The following TUSC3 variants were observed in gnomAD, a reference collection of about 807,000 sequenced individuals.
TUSC3 encodes dolichyl-diphosphooligosaccharide--protein glycosyltransferase subunit TUSC3.
Under a neutral mutation model 44.8 loss-of-function variants are expected in TUSC3, and 45 were observed. The observed-to-expected ratio is 1.00, with a 90% confidence interval of 0.79 to 1.29. The LOEUF is 1.29. TUSC3 is among the 50% of genes most tolerant of loss of function. The pLI is 0.00. For missense variants in TUSC3, 519 were observed against 437.9 expected (o/e 1.19, Z -1.65); for synonymous variants, 212 against 152.9 (o/e 1.39, Z -2.85).
At chr8:15,535,438 G>A (rs965924996), upstream of TUSC3, among the ~76,000 whole-genome samples, 3 of 152,188 alleles carry the variant, frequency 2.0e-5, no homozygotes, top group East Asian at 5.8e-4. Context: ...CATTCAACAA[G>A]TGCTGTATTC....
chr8:15,731,530 G>A (rs1419895385), intron 7 of TUSC3, among the ~76,000 whole-genome samples: 1 of 151,994 alleles, frequency 6.6e-6, no homozygotes, highest in Non-Finnish European at 1.5e-5. Context: ...AATTCATCTA[G>A]GCCAAACCTC....
At chr8:15,561,884 A>G (rs1262581848) in intron 1 of TUSC3, among the ~76,000 whole-genome samples, 1 of 151,710 alleles carries the variant, frequency 6.6e-6, no homozygotes, top group Non-Finnish European at 1.5e-5. Flanking sequence ...GTGCGCACCC[A>G]CTCTCCTGCA....
chr8:15,590,352 C>T (rs575190040), intron 1 of TUSC3, among the ~76,000 whole-genome samples: 1 of 152,196 alleles, frequency 6.6e-6, no homozygotes, highest in Admixed American at 6.5e-5. Flanking sequence ...ACCCAGGCTT[C>T]TTCTTATACA....
the TUSC3 span, among the ~76,000 whole-genome samples, chr8:15,802,413 A>G: frequency 1.3e-5 from 2 of 152,144 alleles, no homozygotes; most frequent in Non-Finnish European, 2.9e-5. Context: ...AGAAATATAA[A>G]TAATTGCAAA....
At chr8:15,842,645 A>G in the TUSC3 span, among the ~76,000 whole-genome samples, 139 of 152,320 alleles carry the variant, frequency 9.1e-4, no homozygotes, top group African/African-American at 3.2e-3. Flanking sequence ...TACGAACCTC[A>G]GAGCTTATGT....
At chr8:15,506,802 G>A (rs1801057852) in intron 2 of TUSC3, among the ~76,000 whole-genome samples, 2 of 152,106 alleles carry the variant, frequency 1.3e-5, no homozygotes, top group African/African-American at 4.8e-5. Flanking sequence ...GATTTCGGTG[G>A]GTCAAACCAA....
rs945699066 is a variant in TUSC3 at position 15,689,302 on chromosome 8, T to G, written c.798+15466T>G. 4 of 316,920 alleles carry G rather than the reference T, an allele frequency of 1.3e-5. No homozygotes were observed. The Admixed American group carries it at 1.4e-4, about 11-fold the overall frequency. 19.6% of individuals were successfully genotyped at this position (316,920 alleles called of 1,614,324 possible). A position where few individuals can be genotyped will look rare whatever the true frequency, so the allele number is the denominator to read the frequency against. ...CATAATTGTCTCTTGGACCATTACT[T>G]TCCTGGTAGTAGTCACCATCATCAC... On this transcript the variant is annotated intron_variant, in intron 6 of 10. Coordinates refer to ENST00000503731, the MANE Select transcript of TUSC3 (RefSeq NM_006765.4).
At position 15,765,870 on chromosome 8, in the gene TUSC3, G is replaced by A. The variant is rs186898524; in HGVS notation, c.*1714G>A. On this transcript the variant is annotated 3_prime_UTR_variant, in exon 11 of 11. Coordinates refer to ENST00000503731, the MANE Select transcript of TUSC3 (RefSeq NM_006765.4). The stretch of plus-strand genomic sequence containing the variant: ...AAAACTTCATACATAGAGACTCTCA[G>A]GTCAAATTTTACAAGTATTAAACAT... The A allele has an allele frequency of 3.3e-5, 5 of 151,854 alleles. No homozygotes were observed. Among genetic ancestry groups the A allele is most frequent in the Non-Finnish European group, 5.9e-5 (4 of 67,910 alleles). The allele number at this position is 151,854 out of a possible 1,614,324, so 9.4% of individuals were successfully genotyped here.
At chr8:15,504,592 T>G (rs1801020022) in intron 2 of TUSC3, among the ~76,000 whole-genome samples, 2 of 17,120 alleles carry the variant, frequency 1.2e-4, no homozygotes, top group African/African-American at 4.5e-4. Context: ...TATATATATA[T>G]ATATATATAT....
intron 1 of TUSC3, among the ~76,000 whole-genome samples, chr8:15,446,011 G>A (rs944585112): frequency 6.6e-6 from 1 of 151,234 alleles, no homozygotes; most frequent in African/African-American, 2.4e-5. Context: ...CTTCCCAGAC[G>A]GGCCGGCTGC....
At chr8:15,482,925 G>C (rs528071652) in intron 1 of TUSC3, among the ~76,000 whole-genome samples, 1 of 151,990 alleles carries the variant, frequency 6.6e-6, no homozygotes, top group South Asian at 2.1e-4. Context: ...TACTTTAAGC[G>C]GTGTGTTTTA....
At chr8:15,799,854 T>A in the TUSC3 span, among the ~76,000 whole-genome samples, 1 of 152,140 alleles carries the variant, frequency 6.6e-6, no homozygotes, top group Admixed American at 6.5e-5. Flanking sequence ...AGGTCATAGA[T>A]GAAAGACAAT....
At position 15,764,249 on chromosome 8, in the gene TUSC3, T is replaced by C. The variant is rs1188732358; in HGVS notation, c.*93T>C. ...AGTGGGATTTGCATAAAGTGAATGT[T>C]TACCATGAAGATAAACTGTTCCTGA... On this transcript the variant is annotated 3_prime_UTR_variant, in exon 11 of 11. Coordinates refer to ENST00000503731, the MANE Select transcript of TUSC3 (RefSeq NM_006765.4). The C allele has an allele frequency of 9.4e-6, 15 of 1,602,784 alleles. No individual in the cohort carries two copies. Among genetic ancestry groups the C allele is most frequent in the Non-Finnish European group, 1.3e-5 (15 of 1,171,448 alleles).
intron 2 of TUSC3, among the ~76,000 whole-genome samples, chr8:15,522,584 CCCACATGTGTTCCACTGA>C (rs936116868): frequency 6.6e-6 from 1 of 151,448 alleles, no homozygotes; most frequent in African/African-American, 2.4e-5. Context: ...ACGATCCACT[CCCACATGTGTTCCACTGA>C]CCAGATTGAG....
At chr8:15,801,409 T>G in the TUSC3 span, among the ~76,000 whole-genome samples, 1 of 152,184 alleles carries the variant, frequency 6.6e-6, no homozygotes, top group African/African-American at 2.4e-5. Context: ...CTGCTGAAGC[T>G]GTCATATTTG....
chr8:15,545,368 A>G (rs895027209), intron 1 of TUSC3, among the ~76,000 whole-genome samples: 1 of 151,710 alleles, frequency 6.6e-6, no homozygotes, highest in Non-Finnish European at 1.5e-5. Flanking sequence ...TGCATTTAAG[A>G]AACCAAGGTC....
chr8:15,562,682 G>C (rs1802521303), intron 1 of TUSC3, among the ~76,000 whole-genome samples: 1 of 152,086 alleles, frequency 6.6e-6, no homozygotes, highest in Non-Finnish European at 1.5e-5. Context: ...GTAGTTGTAG[G>C]AAGGAGTTTC....
intron 1 of TUSC3, among the ~76,000 whole-genome samples, chr8:15,608,163 A>AT (rs1804614184): frequency 6.6e-6 from 1 of 151,984 alleles, no homozygotes; most frequent in Admixed American, 6.6e-5. Context: ...CTTGATTTTG[A>AT]TTCACCTCTT....
chr8:15,432,901 C>A (rs560147197), intron 1 of TUSC3, among the ~76,000 whole-genome samples: 1 of 152,280 alleles, frequency 6.6e-6, no homozygotes, highest in East Asian at 1.9e-4. Flanking sequence ...GTAGGTTAGC[C>A]TCTGGCTAAA....
Sources: allele counts gnomAD v4.1 joint callset (sites outside exome capture counted in the v4.1 genomes callset), GRCh38; gene constraint gnomAD v4.1.1; transcripts MANE v1.5; gene names NCBI Gene and HGNC (gene_info 2026-07-23, HGNC 2026-07-21).